The following UHRF2 variants were observed in gnomAD, a reference collection of about 807,000 sequenced individuals.
UHRF2 encodes ubiquitin like with PHD and ring finger domains 2, also known as E3 ubiquitin-protein ligase UHRF2.
A neutral mutation model predicts 96.8 loss-of-function variants in UHRF2; 23 were observed. The ratio of observed to expected loss-of-function variants is 0.24; its 90% CI spans 0.17 to 0.34. The LOEUF is 0.34. UHRF2 is among the 10% of genes least tolerant of loss of function. The probability of loss-of-function intolerance (pLI) is 1.00; values close to 1 mark genes in which losing one functional copy is unlikely to be tolerated. For missense variants in UHRF2, 685 were observed against 981.5 expected, an observed-to-expected ratio of 0.70 and a Z score of 4.04; for synonymous variants, 385 against 332.6, an observed-to-expected ratio of 1.16 and a Z score of -1.72.
intron 2 of UHRF2, among the ~76,000 whole-genome samples, chr9:6,433,586 A>G (rs1443030188): frequency 6.6e-6 from 1 of 152,214 alleles, no homozygotes; most frequent in Non-Finnish European, 1.5e-5. Flanking sequence ...CATTAGTGTC[A>G]TTCTTACTGG....
At position 6,413,854 on chromosome 9, in the gene UHRF2, C is replaced by T. The variant is rs2130693535; in HGVS notation, c.153+211C>T. ...CCTGCCAGCCCCAACTGGAGGTGCG[C>T]CGCGCGGGGTCAGAAGTGAGGGCGT... is the stretch of plus-strand genomic sequence containing the variant. On this transcript the variant is annotated intron_variant, in intron 1 of 15. Coordinates refer to ENST00000276893, the MANE Select transcript of UHRF2 (RefSeq NM_152896.3). 7.7e-6 allele frequency: 4 copies of T among 517,300 alleles called. No individual in the cohort carries two copies. In the East Asian group the frequency reaches 1.1e-4, roughly 14 times the overall value. 32.0% of individuals were successfully genotyped at this position (517,300 alleles called of 1,614,324 possible).
rs1823667651 is a variant in UHRF2 at position 6,477,676 on chromosome 9, A to G, written c.1028A>G (p.His343Arg). ...LCGGDPEKKC[H>R]SCSCRVCGGK... ...GGTGGAGACCCAGAAAAGAAATGTC[A>G]TTCTTGCTCCTGTCGTGTATGTGGT... Residue 343 changes from histidine (H) to arginine (R), a missense_variant, in exon 6 of 16, where the codon CAT (histidine) becomes CGT (arginine). By Grantham distance (29) the His-to-Arg change is conservative. Around this residue, in one of 6 missense-constraint regions of UHRF2, gnomAD observed 391 missense variants for 437.0 expected, o/e 0.89. Transcript: ENST00000276893. 3 of 1,614,142 alleles carry G rather than the reference A, an allele frequency of 1.9e-6. No individual in the cohort carries two copies. Among genetic ancestry groups the G allele is most frequent in the Non-Finnish European group, 2.5e-6 (3 of 1,179,996 alleles).
intron 10 of UHRF2, 45 bp downstream of exon 10, chr9:6,493,977 T>C (rs1378251822): frequency 6.4e-7 from 1 of 1,552,804 alleles, no homozygotes; most frequent in East Asian, 2.3e-5. Context: ...TGAATAAAAG[T>C]TTCATTATAG....
chr9:6,499,178 A>C (rs1434406152), intron 12 of UHRF2: 1 of 152,348 alleles, frequency 6.6e-6, no homozygotes, highest in Non-Finnish European at 1.5e-5. Flanking sequence ...ATGATGAGTA[A>C]TAGTCATTGA....
chr9:6,475,316 C>G lies in UHRF2; in HGVS notation c.864-75C>G, dbSNP rs1276940098. On this transcript the variant is annotated intron_variant, in intron 4 of 15. Coordinates refer to ENST00000276893, the MANE Select transcript of UHRF2 (RefSeq NM_152896.3). Reference sequence around the variant, plus strand: ...AGACAGATTTCAGTGAGATTCCAAACTGGCTTTTAATTATTATTTGTATAT... The same window carrying G: ...AGACAGATTTCAGTGAGATTCCAAAGTGGCTTTTAATTATTATTTGTATAT... The G allele has an allele frequency of 2.6e-5, 21 of 806,476 alleles. No individual in the cohort carries two copies. The East Asian group carries it at 3.7e-4, about 14-fold the overall frequency. The allele number at this position is 806,476 out of a possible 1,614,324, so 50.0% of individuals were successfully genotyped here. A position where few individuals can be genotyped will look rare whatever the true frequency, so the allele number is the denominator to read the frequency against.
At chr9:6,480,492 C>A (rs1823859118) in intron 6 of UHRF2, among the ~76,000 whole-genome samples, 1 of 152,184 alleles carries the variant, frequency 6.6e-6, no homozygotes. Flanking sequence ...TTGTATTACT[C>A]TGGAATATAT....
At chr9:6,480,272 A>G (rs902925215) in intron 6 of UHRF2, among the ~76,000 whole-genome samples, 3 of 152,316 alleles carry the variant, frequency 2.0e-5, no homozygotes, top group Non-Finnish European at 2.9e-5. Context: ...TGTCACATAT[A>G]ACCCTGATGT....
chr9:6,427,176 G>C (rs1311083811), intron 2 of UHRF2, among the ~76,000 whole-genome samples: 2 of 152,046 alleles, frequency 1.3e-5, no homozygotes, highest in African/African-American at 2.4e-5. Flanking sequence ...TATTGCTTTT[G>C]TCTTGAATTC....
chr9:6,428,962 C>T (rs1005688458), intron 2 of UHRF2, among the ~76,000 whole-genome samples: 2 of 152,082 alleles, frequency 1.3e-5, no homozygotes, highest in Non-Finnish European at 2.9e-5. Context: ...GTCAGGAATT[C>T]GAGACCAGCC....
At chr9:6,453,979 C>T (rs1379666703) in intron 3 of UHRF2, among the ~76,000 whole-genome samples, 1 of 152,052 alleles carries the variant, frequency 6.6e-6, no homozygotes, top group Non-Finnish European at 1.5e-5. Context: ...TGTCAGGTTC[C>T]TTCTTTAAGA....
At chr9:6,414,680 G>T (rs753116597) in intron 1 of UHRF2, among the ~76,000 whole-genome samples, 6 of 152,210 alleles carry the variant, frequency 3.9e-5, no homozygotes, top group Non-Finnish European at 8.8e-5. Flanking sequence ...GTAGCTCTTT[G>T]ATTTGGTAGA....
Position 6,421,162 on chromosome 9 carries a change from C to G in UHRF2, c.384+20C>G. 1.3e-6 allele frequency: 2 copies of G among 1,538,480 alleles called. No individual in the cohort carries two copies. The highest frequency in any genetic ancestry group is 1.8e-6 in the Non-Finnish European group (2 of 1,119,114). ...TATAAGGTATGTTGTTTTCTTCAGACTTACTGTTGTGAGAATACAAATAAA... is the reference window on the plus strand; with the variant it reads ...TATAAGGTATGTTGTTTTCTTCAGAGTTACTGTTGTGAGAATACAAATAAA... On this transcript the variant is annotated intron_variant, in intron 2 of 15. Coordinates refer to ENST00000276893, the MANE Select transcript of UHRF2 (RefSeq NM_152896.3).
At chr9:6,466,894 AC>A (rs1023617847) in intron 4 of UHRF2, among the ~76,000 whole-genome samples, 15 of 152,314 alleles carry the variant, frequency 9.8e-5, no homozygotes, top group African/African-American at 3.4e-4. Context: ...CTTCAGAGTT[AC>A]CTTTCTTAAT....
intron 4 of UHRF2, among the ~76,000 whole-genome samples, chr9:6,462,786 A>G (rs1021338158): frequency 2.6e-5 from 4 of 152,096 alleles, no homozygotes; most frequent in African/African-American, 9.7e-5. Context: ...GTGTAGTGGC[A>G]CGTGCCTGTA....
At chr9:6,505,916 T>A in intron 15 of UHRF2, 117 bp from the exon 16 acceptor site, 3 of 1,068,168 alleles carry the variant, frequency 2.8e-6, no homozygotes, top group Non-Finnish European at 4.1e-6. Context: ...TTTATGTTTG[T>A]TCATTCTGTA....
intron 2 of UHRF2, among the ~76,000 whole-genome samples, chr9:6,423,778 C>A (rs970052222): frequency 6.6e-6 from 1 of 151,586 alleles, no homozygotes; most frequent in Non-Finnish European, 1.5e-5. Context: ...ACCCCGTCTC[C>A]ACTAAAAATA....
chr9:6,494,558 A>G (rs1824856149), intron 10 of UHRF2: 1 of 152,180 alleles, frequency 6.6e-6, no homozygotes, highest in African/African-American at 2.4e-5. Context: ...GGTACAGAAA[A>G]TTTATTAATT....
intron 10 of UHRF2, chr9:6,494,158 A>G (rs1824833650): frequency 2.4e-6 from 1 of 414,502 alleles, no homozygotes; most frequent in Non-Finnish European, 4.2e-6. Flanking sequence ...TACATGTGAT[A>G]TGCATTTGAA....
intron 3 of UHRF2, among the ~76,000 whole-genome samples, chr9:6,442,800 C>T (rs1471422663): frequency 1.3e-5 from 2 of 152,066 alleles, no homozygotes; most frequent in Non-Finnish European, 2.9e-5. Context: ...ATGGCACGAA[C>T]TTCATGATGA....
Sources: allele counts gnomAD v4.1 joint callset (sites outside exome capture counted in the v4.1 genomes callset), GRCh38; gene constraint gnomAD v4.1.1; regional missense constraint gnomAD v4.1.1; transcripts MANE v1.5; gene names NCBI Gene and HGNC (gene_info 2026-07-23, HGNC 2026-07-21).